TFAP2A: variants seen among roughly 807,000 people sequenced by gnomAD.
TFAP2A encodes transcription factor AP-2 alpha.
In TFAP2A, 7 loss-of-function variants were observed where a neutral mutation model predicts 41.5. The ratio of observed to expected loss-of-function variants is 0.17; its 90% CI spans 0.10 to 0.32. The LOEUF is 0.32. TFAP2A is among the 10% of genes least tolerant of loss of function. The probability of loss-of-function intolerance (pLI) is 1.00; values close to 1 mark genes in which losing one functional copy is unlikely to be tolerated. For missense variants in TFAP2A, 416 were observed against 563.3 expected (o/e 0.74, Z 2.65); for synonymous variants, 247 against 242.8 (o/e 1.02, Z -0.16).
chr6:10,408,129 C>T (rs946006488), intron 2 of TFAP2A, among the ~76,000 whole-genome samples: 3 of 152,156 alleles, frequency 2.0e-5, no homozygotes, highest in Non-Finnish European at 2.9e-5. Context: ...TTTTCACCAT[C>T]GATTTGATTT....
At chr6:10,408,779 G>A (rs892488802) in intron 2 of TFAP2A, among the ~76,000 whole-genome samples, 1 of 152,080 alleles carries the variant, frequency 6.6e-6, no homozygotes, top group South Asian at 2.1e-4. Flanking sequence ...ATTTTCCTAC[G>A]GAACTTAAAT....
intron 2 of TFAP2A, 165 bp downstream of exon 2, chr6:10,409,736 G>T: frequency 1.2e-6 from 1 of 812,194 alleles, no homozygotes; most frequent in Non-Finnish European, 2.0e-6. Context: ...ACTACTTTGT[G>T]TGGTTCCTCA....
intron 1 of TFAP2A, 34 bp downstream of exon 1, chr6:10,414,907 A>T (rs1355816404): frequency 6.2e-7 from 1 of 1,612,886 alleles, no homozygotes; most frequent in African/African-American, 1.3e-5. Flanking sequence ...GGAGCCTGTG[A>T]CCGCACGGAT....
intron 2 of TFAP2A, chr6:10,407,616 A>G (rs1016599494): frequency 6.6e-6 from 1 of 151,910 alleles, no homozygotes; most frequent in African/African-American, 2.4e-5. Flanking sequence ...CAGGCAATAT[A>G]ATGTCTGGCT....
In TFAP2A at chr6:10,404,471, C is replaced by CGCGGG. The variant is rs564179777; in HGVS notation, c.770+32_770+36dup. ...GCGCAAGCGCAGTGGTTCCCCCGGC[C>CGCGGG]GCGGGGCGGGGCGGGCGGGGCCGTG... On this transcript the variant is annotated intron_variant, in intron 4 of 6. Transcript: ENST00000379613. The CGCGGG allele has an allele frequency of 3.8e-3, 5,497 of 1,450,054 alleles. 139 individuals carry two copies. The African/African-American group carries it at 0.065, about 17-fold the overall frequency. The allele number at this position is 1,450,054 out of a possible 1,614,324, so 89.8% of individuals were successfully genotyped here.
Position 10,398,093 on chromosome 6 carries a change from A to AT in TFAP2A, c.*323_*324insA. ...ATTTGTTGTTTTGTTTAAAAAAAAAAGGGTTCACAAACTTGGCAGAACTTT... is the reference window on the plus strand; with the variant it reads ...ATTTGTTGTTTTGTTTAAAAAAAAAATGGGTTCACAAACTTGGCAGAACTTT... On this transcript the variant is annotated 3_prime_UTR_variant, in exon 7 of 7. Transcript: ENST00000379613. The surrounding 1 kb of genome is among the most constrained non-coding windows in gnomAD (Gnocchi z 5.3). The AT allele has an allele frequency of 8.4e-7, 1 of 1,191,698 alleles. No homozygotes were observed. The highest frequency in any genetic ancestry group is 4.2e-5 in the East Asian group (1 of 23,776). The allele number at this position is 1,191,698 out of a possible 1,614,324, so 73.8% of individuals were successfully genotyped here.
chr6:10,399,918 CTCTGTCTG>C (rs1406505001), intron 6 of TFAP2A, among the ~76,000 whole-genome samples: 1 of 149,990 alleles, frequency 6.7e-6, no homozygotes, highest in African/African-American at 2.5e-5. Flanking sequence ...CTCTCTCTCT[CTCTGTCTG>C]TGTGTGTGTG....
chr6:10,417,321 C>T (rs775749024), upstream of TFAP2A: 3 of 152,290 alleles, frequency 2.0e-5, no homozygotes, highest in African/African-American at 7.2e-5. Context: ...GCTGGGGCTG[C>T]TAAACTGTTG....
chr6:10,418,154 C>A (rs1197496848), upstream of TFAP2A: 2 of 152,072 alleles, frequency 1.3e-5, no homozygotes, highest in African/African-American at 4.8e-5. Flanking sequence ...TCTAAACTTG[C>A]GGATGAAATA....
At chr6:10,408,638 A>C (rs891389628) in intron 2 of TFAP2A, among the ~76,000 whole-genome samples, 4 of 152,250 alleles carry the variant, frequency 2.6e-5, no homozygotes, top group African/African-American at 7.2e-5. Flanking sequence ...ACATATACAG[A>C]CATACAGTGC....
chr6:10,402,921 T>C (rs1021235285), intron 4 of TFAP2A, among the ~76,000 whole-genome samples: 5 of 152,234 alleles, frequency 3.3e-5, no homozygotes, highest in African/African-American at 4.8e-5. Context: ...GTTTGAGGTA[T>C]TGAGTTCAAC....
In TFAP2A at chr6:10,398,199, G is replaced by A. The variant is rs1246244659; in HGVS notation, c.*218C>T. On this transcript the variant is annotated 3_prime_UTR_variant, in exon 7 of 7. Transcript: ENST00000379613. The surrounding 1 kb of genome is among the most constrained non-coding windows in gnomAD (Gnocchi z 5.3). ...GGGTGTGGGAGCGGGTGGGGAGGTC[G>A]AGGCGGGTGCAGAGTCGGAGAGGCT... 1 of 1,453,328 alleles carries A rather than the reference G, an allele frequency of 6.9e-7. No homozygotes were observed. Among genetic ancestry groups the A allele is most frequent in the Non-Finnish European group, 9.0e-7 (1 of 1,106,800 alleles). The allele number at this position is 1,453,328 out of a possible 1,614,324, so 90.0% of individuals were successfully genotyped here.
intron 4 of TFAP2A, among the ~76,000 whole-genome samples, chr6:10,402,814 G>A (rs1047629283): frequency 6.6e-6 from 1 of 152,166 alleles, no homozygotes; most frequent in South Asian, 2.1e-4. Flanking sequence ...CACCCCCTAC[G>A]TTCAGTTATT....
intron 1 of TFAP2A, among the ~76,000 whole-genome samples, chr6:10,413,032 T>G (rs983739378): frequency 1.3e-5 from 2 of 152,146 alleles, no homozygotes; most frequent in Admixed American, 1.3e-4. Context: ...TCCGACTGGC[T>G]GGGCCACTCC....
intron 1 of TFAP2A, chr6:10,414,733 G>A: frequency 2.8e-6 from 2 of 724,042 alleles, no homozygotes; most frequent in Non-Finnish European, 4.7e-6. Context: ...GAGCTTCAAA[G>A]TAGGGAAACC....
In TFAP2A at chr6:10,398,479, G is replaced by C; in HGVS notation, c.1258C>G (p.Pro420Ala). 6.2e-7 allele frequency: 1 copy of C among 1,614,226 alleles called. No homozygotes were observed. Among genetic ancestry groups the C allele is most frequent in the Non-Finnish European group, 8.5e-7 (1 of 1,180,036 alleles). ...GCGTTGTTGTCCGTGTGGCTGTTGG[G>C]GTTGTTGCTGAGGTACATTTTGTCC... is the stretch of plus-strand genomic sequence containing the variant. ...AMDKMYLSNN[P>A]NSHTDNNAKS... The change falls in exon 7 of 7, where the codon CCC becomes GCC. Residue 420 changes from proline to alanine, a missense_variant. Coordinates refer to ENST00000379613, the MANE Select transcript of TFAP2A (RefSeq NM_001372066.1). This position sits in a 1 kb window ranked among gnomAD's most constrained non-coding sequence, Gnocchi z 5.3.
chr6:10,410,453 C>A (rs1757913650), intron 1 of TFAP2A, 118 bp from the exon 2 acceptor site: 1 of 1,011,570 alleles, frequency 9.9e-7, no homozygotes, highest in Non-Finnish European at 1.5e-6. Flanking sequence ...GTTGGCTGGC[C>A]GCCGGGAAAA....
At chr6:10,404,472 G>T in intron 4 of TFAP2A, 36 bp downstream of exon 4, 1 of 1,428,928 alleles carries the variant, frequency 7.0e-7, no homozygotes, top group Non-Finnish European at 9.2e-7. Flanking sequence ...TCCCCCGGCC[G>T]CGGGGCGGGG....
intron 1 of TFAP2A, chr6:10,412,528 G>C (rs532637310): frequency 1.9e-3 from 249 of 131,550 alleles, no homozygotes; most frequent in Non-Finnish European, 2.7e-3. Flanking sequence ...GCGCACGGAG[G>C]GGGAGGCCGC....
Sources: gnomAD v4.1 joint callset for allele counts (sites outside exome capture counted in the v4.1 genomes callset) on GRCh38, gnomAD v4.1.1 for gene constraint, Gnocchi (gnomAD v3.1) non-coding constraint, MANE v1.5 for transcripts, NCBI Gene and HGNC (gene_info 2026-07-23, HGNC 2026-07-21) for gene names.